Variants in LTBP2 observed in about 807,000 individuals in gnomAD.
The protein encoded by LTBP2 is latent-transforming growth factor beta-binding protein 2.
In LTBP2, 103 loss-of-function variants were observed where a neutral mutation model predicts 210.6. The observed-to-expected ratio is 0.49, with a 90% CI of 0.42 to 0.58. The LOEUF (loss-of-function observed/expected upper bound fraction) is 0.58. LTBP2 is among the 20% of genes least tolerant of loss of function. The pLI is 0.00. For missense variants in LTBP2, 2,313 were observed against 2,494.5 expected (o/e 0.93, Z 1.55); for synonymous variants, 1,007 against 1,015.0 (o/e 0.99, Z 0.15).
chr14:74,601,225 G>A (rs1005449423), intron 2 of LTBP2, among the ~76,000 whole-genome samples: 3 of 152,126 alleles, frequency 2.0e-5, no homozygotes, highest in Non-Finnish European at 2.9e-5. Context: ...GCAAGTCACC[G>A]CCTCTCTGAG....
At chr14:74,577,234 G>A (rs1015035745) in intron 3 of LTBP2, among the ~76,000 whole-genome samples, 31 of 152,284 alleles carry the variant, frequency 2.0e-4, no homozygotes, top group Admixed American at 2.0e-3. Flanking sequence ...CTCAACCCTC[G>A]GAGGCCACCA....
intron 18 of LTBP2, among the ~76,000 whole-genome samples, chr14:74,516,423 C>T (rs1380515676): frequency 7.1e-6 from 1 of 140,078 alleles, no homozygotes; most frequent in Non-Finnish European, 1.5e-5. Flanking sequence ...ATGTATGGGC[C>T]ATCTAAAGAT....
chr14:74,503,473 G>C lies in LTBP2; in HGVS notation c.4716C>G (p.Ser1572Arg), dbSNP rs1394247262. Residue 1572 changes from serine to arginine, a missense_variant, in exon 32 of 36, where the codon AGC becomes AGG. Ser to Arg is a moderately radical substitution (Grantham distance 110). This residue lies in a region of LTBP2 where 443 missense variants were observed against 501.4 expected (regional missense o/e 0.88). Transcript: ENST00000261978. ...SQQRCMNSTS[S>R]TEDLPDHDIH... ...CCCACGCTCAGGCCCACTCACCCGT[G>C]CTGCTGGTGCTGTTCATGCAGCGCT... 1 of 1,611,162 alleles carries C rather than the reference G, an allele frequency of 6.2e-7. No individual in the cohort carries two copies. The highest frequency in any genetic ancestry group is 1.7e-5 in the Admixed American group (1 of 59,858).
Position 74,585,975 on chromosome 14 carries a change from G to A in LTBP2, c.709C>T (p.Arg237Ter), listed in dbSNP as rs1216378691. ...TTGGGTGAACGCTCGGCCCAGCGTC[G>A]AGGTGCCAGCCTGGAGTTCTGGGGG... is the stretch of plus-strand genomic sequence containing the variant. Reference protein sequence around the residue: ...FDPQNSRLAPRRWAERSPNLR... With the variant: ...FDPQNSRLAP Residue 237 changes from arginine to a stop codon, truncating the protein, a stop_gained, in exon 3 of 36, where the codon CGA becomes TGA. Coordinates refer to ENST00000261978, the MANE Select transcript of LTBP2 (RefSeq NM_000428.3). LOFTEE classifies it high-confidence loss of function. 1.2e-5 allele frequency: 20 copies of A among 1,612,854 alleles called. No homozygotes were observed. Among genetic ancestry groups the A allele is most frequent in the Non-Finnish European group, 1.6e-5 (19 of 1,179,590 alleles).
intron 15 of LTBP2, among the ~76,000 whole-genome samples, chr14:74,524,351 C>G (rs1162500155): frequency 6.6e-6 from 1 of 152,092 alleles, no homozygotes; most frequent in African/African-American, 2.4e-5. Context: ...GACTGTTCCA[C>G]CAGGCGCAGG....
chr14:74,593,497 G>A (rs1324218232), intron 2 of LTBP2, among the ~76,000 whole-genome samples: 2 of 152,196 alleles, frequency 1.3e-5, no homozygotes, highest in East Asian at 1.9e-4. Flanking sequence ...TCAAAGAGCT[G>A]TTGTGAGTGT....
intron 10 of LTBP2, among the ~76,000 whole-genome samples, chr14:74,530,662 T>TA (rs2087338893): frequency 6.6e-6 from 1 of 152,190 alleles, no homozygotes; most frequent in Non-Finnish European, 1.5e-5. Context: ...ACTACAGGTG[T>TA]GCACCACCAC....
In LTBP2 at chr14:74,553,923, C is replaced by CGTGTGTGTGTGT. The variant is rs34143485; in HGVS notation, c.1022-873_1022-862dup. Among the ~76,000 whole-genome samples, 852 of 130,618 alleles carry CGTGTGTGTGTGT rather than the reference C, an allele frequency of 6.5e-3. 4 individuals carry two copies. Among genetic ancestry groups the CGTGTGTGTGTGT allele is most frequent in the Middle Eastern group, 0.015 (4 of 260 alleles). The allele number at this position is 130,618 out of a possible 152,430, so 85.7% of individuals were successfully genotyped here. A position where few individuals can be genotyped will look rare whatever the true frequency, so the allele number is the denominator to read the frequency against. Reference sequence around the variant, plus strand: ...AGGAGATAGGAAGAAAGCGGAGAAACGTGTGTGTGTGTGTGTGTGTGTGTG... The same window carrying CGTGTGTGTGTGT: ...AGGAGATAGGAAGAAAGCGGAGAAACGTGTGTGTGTGTGTGTGTGTGTGTGTGTGTGTGTGTG... On this transcript the variant is annotated intron_variant, in intron 4 of 35. Coordinates refer to ENST00000261978, the MANE Select transcript of LTBP2 (RefSeq NM_000428.3).
At chr14:74,540,810 A>ATATTTATATATATAT (rs2087487478) in intron 8 of LTBP2, among the ~76,000 whole-genome samples, 19 of 11,038 alleles carry the variant, frequency 1.7e-3, no homozygotes, top group African/African-American at 2.6e-3. Context: ...TATATATATA[A>ATATTTATATATATAT]TATATATATA....
At chr14:74,546,515 G>T (rs181312770) in intron 8 of LTBP2, among the ~76,000 whole-genome samples, 1 of 152,198 alleles carries the variant, frequency 6.6e-6, no homozygotes, top group Non-Finnish European at 1.5e-5. Context: ...ATGTTGCCCT[G>T]GTCTTTGTTA....
intron 15 of LTBP2, 35 bp downstream of exon 15, chr14:74,525,089 G>T: frequency 8.4e-7 from 1 of 1,184,350 alleles, no homozygotes; most frequent in Non-Finnish European, 1.1e-6. Flanking sequence ...CACAGGGCAG[G>T]GTGCAGGGAG....
intron 18 of LTBP2, 139 bp downstream of exon 18, chr14:74,516,681 GTC>G (rs2087138739): frequency 6.2e-6 from 7 of 1,134,706 alleles, no homozygotes; most frequent in Middle Eastern, 2.8e-4. Flanking sequence ...TCTCATAGGT[GTC>G]TCTGTCCATA....
intron 2 of LTBP2, among the ~76,000 whole-genome samples, chr14:74,588,366 C>T (rs1332421156): frequency 3.3e-5 from 5 of 152,190 alleles, no homozygotes; most frequent in African/African-American, 9.6e-5. Flanking sequence ...GGATTACAGG[C>T]GCCTGACACC....
intron 8 of LTBP2, among the ~76,000 whole-genome samples, chr14:74,547,446 G>A (rs999330781): frequency 4.6e-5 from 7 of 152,072 alleles, no homozygotes; most frequent in African/African-American, 1.7e-4. Flanking sequence ...GCAGTGAAGC[G>A]GGATTCTGAG....
intron 8 of LTBP2, among the ~76,000 whole-genome samples, chr14:74,543,820 G>A (rs1454542512): frequency 1.3e-5 from 2 of 152,124 alleles, no homozygotes; most frequent in Admixed American, 1.3e-4. Context: ...GGACCAGTGG[G>A]GCCCCCCAGT....
intron 10 of LTBP2, among the ~76,000 whole-genome samples, chr14:74,530,594 C>G (rs1157340887): frequency 6.6e-6 from 1 of 152,244 alleles, no homozygotes; most frequent in African/African-American, 2.4e-5. Context: ...CGGCTCACTG[C>G]AACCTTTGCC....
chr14:74,576,313 T>C (rs922019150), intron 3 of LTBP2, among the ~76,000 whole-genome samples: 18 of 152,216 alleles, frequency 1.2e-4, no homozygotes, highest in Non-Finnish European at 8.8e-5. Context: ...AGTGGATATT[T>C]AGTTAGTGAG....
intron 8 of LTBP2, among the ~76,000 whole-genome samples, chr14:74,545,079 C>T (rs898620961): frequency 1.1e-4 from 16 of 152,334 alleles, no homozygotes; most frequent in African/African-American, 1.9e-4. Context: ...CCAATCTTGA[C>T]GCGCATCCTC....
chr14:74,561,489 C>T (rs776378327), intron 3 of LTBP2, among the ~76,000 whole-genome samples: 48 of 152,276 alleles, frequency 3.2e-4, no homozygotes, highest in Non-Finnish European at 5.0e-4. Flanking sequence ...TTTTCTCTCT[C>T]TCTTCCCCTA....
Sources: allele counts gnomAD v4.1 joint callset (sites outside exome capture counted in the v4.1 genomes callset), GRCh38; gene constraint gnomAD v4.1.1; regional missense constraint gnomAD v4.1.1; transcripts MANE v1.5; gene names NCBI Gene and HGNC (gene_info 2026-07-23, HGNC 2026-07-21).